The following ELP2 variants were observed in gnomAD, a reference collection of about 807,000 sequenced individuals.
The protein encoded by ELP2 is elongator complex protein 2.
In ELP2, 90 loss-of-function variants were observed where a neutral mutation model predicts 119.2. The observed-to-expected ratio is 0.75, with a 90% CI of 0.64 to 0.90. The LOEUF (loss-of-function observed/expected upper bound fraction) is 0.90, where lower values mean the gene tolerates loss of function less well. Ranked by LOEUF, ELP2 falls within the 40% of genes least tolerant of loss-of-function variation. The pLI, the probability that ELP2 is intolerant of heterozygous loss-of-function variation, is 0.00. For missense variants in ELP2, 921 were observed against 967.8 expected, an observed-to-expected ratio of 0.95 and a Z score of 0.64; for synonymous variants, 339 against 331.0, an observed-to-expected ratio of 1.02 and a Z score of -0.26.
intron 2 of ELP2, among the ~76,000 whole-genome samples, chr18:36,135,454 C>T (rs2089790356): frequency 6.6e-6 from 1 of 152,168 alleles, no homozygotes; most frequent in East Asian, 1.9e-4. Flanking sequence ...TCACAGTTGG[C>T]TGGCAGCAGA....
chr18:36,144,898 A>C, intron 8 of ELP2, 41 bp from the exon 9 acceptor site: 12 of 1,497,606 alleles, frequency 8.0e-6, no homozygotes, highest in Non-Finnish European at 1.1e-5. Flanking sequence ...TCTTTTTAGA[A>C]GAGCTTTGAG....
At chr18:36,157,992 C>T (rs933746547) in intron 13 of ELP2, among the ~76,000 whole-genome samples, 8 of 152,128 alleles carry the variant, frequency 5.3e-5, no homozygotes, top group African/African-American at 9.7e-5. Flanking sequence ...TGTAGAGTAG[C>T]GAGCTGCTTG....
At chr18:36,141,084 A>G (rs2144619409) in intron 5 of ELP2, 53 bp from the exon 6 acceptor site, 2 of 1,420,096 alleles carry the variant, frequency 1.4e-6, no homozygotes, top group Admixed American at 1.7e-5. Flanking sequence ...TTGATAAATC[A>G]TAACGTGGTG....
At chr18:36,145,098 C>A in intron 9 of ELP2, 64 bp downstream of exon 9, 2 of 1,275,712 alleles carry the variant, frequency 1.6e-6, no homozygotes, top group Non-Finnish European at 2.3e-6. Context: ...GTAAGCTGAC[C>A]AAATCAAGTG....
chr18:36,139,659 T>C, intron 5 of ELP2: 3 of 1,466,658 alleles, frequency 2.0e-6, no homozygotes, highest in South Asian at 1.3e-5. Flanking sequence ...CTTTTTTCTG[T>C]AGTTGATCTA....
intron 21 of ELP2, 79 bp from the exon 22 acceptor site, chr18:36,174,406 A>T: frequency 7.1e-7 from 1 of 1,412,166 alleles, no homozygotes; most frequent in Non-Finnish European, 9.8e-7. Flanking sequence ...GTACATTTCA[A>T]TTTTCAGGTT....
chr18:36,144,852 TACATAA>T, intron 8 of ELP2, 81 bp from the exon 9 acceptor site: 2 of 1,117,764 alleles, frequency 1.8e-6, no homozygotes, highest in South Asian at 1.3e-5. Flanking sequence ...TTTTTTTTCT[TACATAA>T]TTGCCCAACT....
Position 36,142,942 on chromosome 18 carries a change from A to C in ELP2, c.772A>C (p.Asn258His). ...QDDDNIRLKE[N>H]TFTIENESVK... ...TGACGATAACATAAGACTGAAAGAA[A>C]ATACTTTTACCATAGAAAATGAAAG... The change falls in exon 8 of 22, where the codon AAT (asparagine) becomes CAT (histidine). Residue 258 changes from asparagine (N) to histidine (H), a missense_variant. Physicochemically the swap from Asn to His is moderately conservative, Grantham distance 68. Coordinates refer to ENST00000358232, the MANE Select transcript of ELP2 (RefSeq NM_018255.4). 6.3e-7 allele frequency: 1 copy of C among 1,589,122 alleles called. No homozygotes were observed. The highest frequency in any genetic ancestry group is 8.6e-7 in the Non-Finnish European group (1 of 1,160,978).
At chr18:36,169,489 C>A (rs921417614) in intron 19 of ELP2, among the ~76,000 whole-genome samples, 5 of 151,496 alleles carry the variant, frequency 3.3e-5, no homozygotes, top group Non-Finnish European at 1.5e-5. Context: ...TAGGTTCAAG[C>A]GATTCTCCTG....
rs549169719 is a variant in ELP2 at position 36,153,962 on chromosome 18, T to C, written c.1126-888T>C. The stretch of plus-strand genomic sequence containing the variant: ...GACTGTTACTGTGGGAAACTGTTAG[T>C]CCAAAAGTGCTGTCCATTGCTCAAA... On this transcript the variant is annotated intron_variant, in intron 11 of 21. Coordinates refer to ENST00000358232, the MANE Select transcript of ELP2 (RefSeq NM_018255.4). 1.2e-4 allele frequency among the ~76,000 whole-genome samples: 18 copies of C among 152,058 alleles called. 1 individual carries two copies. The South Asian group carries it at 3.7e-3, about 32-fold the overall frequency.
Position 36,153,180 on chromosome 18 carries a change from CT to C in ELP2, c.1126-1665del, listed in dbSNP as rs142645625. On this transcript the variant is annotated intron_variant, in intron 11 of 21. Coordinates refer to ENST00000358232, the MANE Select transcript of ELP2 (RefSeq NM_018255.4). ...TTTGGATTGAATATTTCACTTTTTT[CT>C]TTTTAGTTTGCATTTCCTTATGTAT... Among the ~76,000 whole-genome samples, 913 of 152,150 alleles carry C rather than the reference CT, an allele frequency of 6.0e-3. 10 individuals carry two copies. Among genetic ancestry groups the C allele is most frequent in the African/African-American group, 0.02 (843 of 41,538 alleles).
In ELP2 at chr18:36,136,548, C is replaced by CTGTT. The variant is rs199685569; in HGVS notation, c.288+189_288+192dup. ...GCCTGACACCATGCCTGGCTGATTT[C>CTGTT]TGTTTGTTTGTTTGTTTGTTTTTGT... is the stretch of plus-strand genomic sequence containing the variant. On this transcript the variant is annotated intron_variant, in intron 3 of 21. Transcript: ENST00000358232. 317 of 639,068 alleles carry CTGTT rather than the reference C, an allele frequency of 5.0e-4. 2 individuals are homozygous for CTGTT. Among genetic ancestry groups the CTGTT allele is most frequent in the African/African-American group, 2.5e-3 (136 of 54,880 alleles). 39.6% of individuals were successfully genotyped at this position (639,068 alleles called of 1,614,324 possible).
intron 11 of ELP2, among the ~76,000 whole-genome samples, chr18:36,154,244 T>A (rs951839519): frequency 2.6e-5 from 4 of 152,102 alleles, no homozygotes; most frequent in African/African-American, 9.7e-5. Context: ...CATATGACAT[T>A]TTCTATATTT....
rs1281293615 is a variant in ELP2 at position 36,141,133 on chromosome 18, C to T, written c.524-4C>T. On this transcript the variant is annotated splice_polypyrimidine_tract_variant and splice_region_variant and intron_variant, in intron 5 of 21. Transcript: ENST00000358232. ...ACAGTGAAGCCTGTTTTTTCTTCCCCCAGTACCAATATTAGCATGTGGCAA... is the reference window on the plus strand; with the variant it reads ...ACAGTGAAGCCTGTTTTTTCTTCCCTCAGTACCAATATTAGCATGTGGCAA... 2 of 1,612,938 alleles carry T rather than the reference C, an allele frequency of 1.2e-6. No homozygotes were observed.
At chr18:36,145,145 A>G (rs909531028) in intron 9 of ELP2, 111 bp downstream of exon 9, 1 of 836,868 alleles carries the variant, frequency 1.2e-6, no homozygotes. Context: ...TCTCAAATAC[A>G]TGACATTTTC....
At chr18:36,140,487 T>C (rs1314121508) in intron 5 of ELP2, among the ~76,000 whole-genome samples, 1 of 151,968 alleles carries the variant, frequency 6.6e-6, no homozygotes, top group African/African-American at 2.4e-5. Flanking sequence ...ACTGGGATTA[T>C]AGGCATATGC....
Position 36,174,629 on chromosome 18 carries a change from A to T in ELP2, c.2469A>T (p.Lys823Asn). 2 of 1,614,124 alleles carry T rather than the reference A, an allele frequency of 1.2e-6. No homozygotes were observed. The highest frequency in any genetic ancestry group is 1.7e-6 in the Non-Finnish European group (2 of 1,179,990). Residue 823 changes from lysine (K) to asparagine (N), a missense_variant, in exon 22 of 22, where the codon AAA (lysine) becomes AAT (asparagine). Coordinates refer to ENST00000358232, the MANE Select transcript of ELP2 (RefSeq NM_018255.4). ...DHTVKIHRVNKCAL is the reference protein window; with the variant it reads ...DHTVKIHRVNNCAL ...CTGTGAAGATACACAGAGTCAATAA[A>T]TGTGCACTGTAATGGACTTAATAAC...
intron 4 of ELP2, 44 bp from the exon 5 acceptor site, chr18:36,138,751 T>G: frequency 1.3e-6 from 2 of 1,489,662 alleles, no homozygotes; most frequent in Non-Finnish European, 1.9e-6. Flanking sequence ...TTGGATAAGC[T>G]CTGAGGTAGT....
chr18:36,167,749 C>T (rs1244050955), intron 19 of ELP2, among the ~76,000 whole-genome samples: 1 of 150,410 alleles, frequency 6.6e-6, no homozygotes, highest in Non-Finnish European at 1.5e-5. Context: ...TCACGGCTCA[C>T]TGCAGCCTGG....
Sources: gnomAD v4.1 joint callset for allele counts (sites outside exome capture counted in the v4.1 genomes callset) on GRCh38, gnomAD v4.1.1 for gene constraint, MANE v1.5 for transcripts, NCBI Gene and HGNC (gene_info 2026-07-23, HGNC 2026-07-21) for gene names.